Variants in FGF23 observed in about 807,000 individuals in gnomAD.
FGF23 encodes phosphatonin.
Under a neutral mutation model 9.0 loss-of-function variants are expected in FGF23, and 8 were observed. That is an observed-to-expected ratio of 0.89 (90% CI 0.52 to 1.60). The LOEUF is 1.60. FGF23 is among the 40% of genes most tolerant of loss of function. The pLI, the probability that FGF23 is intolerant of heterozygous loss-of-function variation, is 0.00. For missense variants in FGF23, 311 were observed against 344.3 expected (o/e 0.90, Z 0.77); for synonymous variants, 118 against 146.2 (o/e 0.81, Z 1.39).
rs547526845 is a variant in FGF23, at chr12:4,370,067, C to T, written c.*276G>A. On this transcript the variant is annotated 3_prime_UTR_variant, in exon 3 of 3. Transcript: ENST00000237837. ...AAATATGTTGGGAGAGACCCCTTCTCTCTACCTTCATGAAGGGGAAATTTC... is the reference window on the plus strand; with the variant it reads ...AAATATGTTGGGAGAGACCCCTTCTTTCTACCTTCATGAAGGGGAAATTTC... 4.9e-6 allele frequency: 2 copies of T among 410,998 alleles called. No individual in the cohort carries two copies. The highest frequency in any genetic ancestry group is 4.2e-5 in the African/African-American group (2 of 47,400). The allele number at this position is 410,998 out of a possible 1,614,324, so 25.5% of individuals were successfully genotyped here.
At chr12:4,377,452 A>T (rs11063120) in intron 1 of FGF23, among the ~76,000 whole-genome samples, 9 of 104,616 alleles carry the variant, frequency 8.6e-5, no homozygotes, top group Admixed American at 1.2e-4. Flanking sequence ...TTTTTTTGAG[A>T]TGGAGTCTCG....
rs1591673877 is a variant in FGF23, at chr12:4,374,854, A to G, written c.212-2157T>C. 3.3e-5 allele frequency among the ~76,000 whole-genome samples: 5 copies of G among 152,294 alleles called. 1 individual carries two copies. The highest frequency in any genetic ancestry group is 3.3e-4 in the Admixed American group (5 of 15,290). On this transcript the variant is annotated intron_variant, in intron 1 of 2. Transcript: ENST00000237837. ...CAGCAATATCCTAATTTAAGTGATA[A>G]GGAAACTAAGACAGGATTGAAACTC... is the stretch of plus-strand genomic sequence containing the variant.
intron 1 of FGF23, among the ~76,000 whole-genome samples, chr12:4,375,003 G>A (rs911074179): frequency 6.6e-6 from 1 of 152,168 alleles, no homozygotes; most frequent in Non-Finnish European, 1.5e-5. Context: ...AGTCACAGCA[G>A]CACTAAGGGC....
chr12:4,377,532 G>A (rs1054661675), intron 1 of FGF23, among the ~76,000 whole-genome samples: 47 of 127,058 alleles, frequency 3.7e-4, no homozygotes, highest in Middle Eastern at 5.0e-3. Flanking sequence ...CCGGGTTCAC[G>A]CCATTCTCCT....
chr12:4,377,671 C>T (rs965828833), intron 1 of FGF23, among the ~76,000 whole-genome samples: 6 of 149,376 alleles, frequency 4.0e-5, no homozygotes, highest in African/African-American at 1.5e-4. Context: ...ACCTCGTGAT[C>T]TGCCTGCCTC....
In FGF23 at chr12:4,369,799, T is replaced by C. The variant is rs1865039402; in HGVS notation, c.*544A>G. The C allele has an allele frequency of 8.7e-6, 2 of 230,114 alleles. No homozygotes were observed. The highest frequency in any genetic ancestry group is 1.7e-5 in the Non-Finnish European group (2 of 116,168). 14.3% of individuals were successfully genotyped at this position (230,114 alleles called of 1,614,324 possible). On this transcript the variant is annotated 3_prime_UTR_variant, in exon 3 of 3. Coordinates refer to ENST00000237837, the MANE Select transcript of FGF23 (RefSeq NM_020638.3). The stretch of plus-strand genomic sequence containing the variant: ...TCAAGGAAGAACGAAGGCTTGAAAG[T>C]AGTGTTTTCATCAACTTGCCCCATT...
chr12:4,372,530 T>C (rs967109869), intron 2 of FGF23, 64 bp downstream of exon 2: 8 of 1,006,518 alleles, frequency 7.9e-6, no homozygotes, highest in Middle Eastern at 4.1e-4. Flanking sequence ...GAAAAGTCTA[T>C]GTCGTGTCAA....
chr12:4,374,935 G>A (rs1490012422), intron 1 of FGF23, among the ~76,000 whole-genome samples: 4 of 152,096 alleles, frequency 2.6e-5, no homozygotes, highest in African/African-American at 9.7e-5. Context: ...AAATCACTAA[G>A]AGTCTGAGAA....
chr12:4,370,371 C>T lies in FGF23; in HGVS notation c.728G>A (p.Gly243Asp), dbSNP rs1381020048. Residue 243 changes from glycine to aspartate, a missense_variant, in exon 3 of 3, where the codon GGC becomes GAC. Physicochemically the swap from Gly to Asp is moderately conservative, Grantham distance 94 (BLOSUM62 -1). This residue lies in a region of FGF23 where 206 missense variants were observed against 219.2 expected (regional missense o/e 0.94). Coordinates refer to ENST00000237837, the MANE Select transcript of FGF23 (RefSeq NM_020638.3). ...GATGAACTTGGCGAAGGGGCGGCAG[C>T]CTTCCGGGCCCGTTCCCCCAGCGTG... ...NTHAGGTGPE[G>D]CRPFAKFI is the part of the protein sequence containing the mutation. 2 of 1,613,662 alleles carry T rather than the reference C, an allele frequency of 1.2e-6. No individual in the cohort carries two copies. The highest frequency in any genetic ancestry group is 1.7e-6 in the Non-Finnish European group (2 of 1,180,012).
At chr12:4,375,241 T>C (rs1239588123) in intron 1 of FGF23, among the ~76,000 whole-genome samples, 4 of 152,200 alleles carry the variant, frequency 2.6e-5, no homozygotes, top group African/African-American at 9.7e-5. Context: ...TCTGACCTGC[T>C]GTTTATGCCG....
At position 4,369,126 on chromosome 12, in the gene FGF23, C is replaced by T; in HGVS notation, c.*1217G>A. ...CAAGGGGATTGAGACCCAGATGTGT[C>T]AGCCTAGGAGAGTTTTAACTAATCG... On this transcript the variant is annotated 3_prime_UTR_variant, in exon 3 of 3. Coordinates refer to ENST00000237837, the MANE Select transcript of FGF23 (RefSeq NM_020638.3). 1 of 230,570 alleles carries T rather than the reference C, an allele frequency of 4.3e-6. No individual in the cohort carries two copies. 14.3% of individuals were successfully genotyped at this position (230,570 alleles called of 1,614,324 possible).
intron 1 of FGF23, among the ~76,000 whole-genome samples, chr12:4,374,951 T>C (rs1273470487): frequency 6.6e-6 from 1 of 151,992 alleles, no homozygotes; most frequent in Non-Finnish European, 1.5e-5. Flanking sequence ...GAGAAGACAA[T>C]ATCAAATGCT....
chr12:4,378,272 T>A (rs76163794), intron 1 of FGF23, among the ~76,000 whole-genome samples: 3,446 of 152,282 alleles, frequency 0.023, 94 homozygotes, highest in African/African-American at 0.061. Context: ...ATAATTAATT[T>A]ATTTATTACA....
intron 1 of FGF23, among the ~76,000 whole-genome samples, chr12:4,374,673 T>C (rs1198714704): frequency 6.6e-6 from 1 of 151,826 alleles, no homozygotes; most frequent in African/African-American, 2.4e-5. Context: ...AAGAAATGGT[T>C]TCTGTTCTGG....
In FGF23 at chr12:4,370,067, C is replaced by G. The variant is rs547526845; in HGVS notation, c.*276G>C. 8 of 410,998 alleles carry G rather than the reference C, an allele frequency of 1.9e-5. No homozygotes were observed. Among genetic ancestry groups the G allele is most frequent in the Admixed American group, 3.9e-5 (1 of 25,512 alleles). 25.5% of individuals were successfully genotyped at this position (410,998 alleles called of 1,614,324 possible). On this transcript the variant is annotated 3_prime_UTR_variant, in exon 3 of 3. Coordinates refer to ENST00000237837, the MANE Select transcript of FGF23 (RefSeq NM_020638.3). ...AAATATGTTGGGAGAGACCCCTTCT[C>G]TCTACCTTCATGAAGGGGAAATTTC... is the stretch of plus-strand genomic sequence containing the variant.
Position 4,368,236 on chromosome 12 carries a change from C to A in FGF23, c.*2107G>T. On this transcript the variant is annotated 3_prime_UTR_variant, in exon 3 of 3. Coordinates refer to ENST00000237837, the MANE Select transcript of FGF23 (RefSeq NM_020638.3). ...CTTTAGGGTTAGAATGACCAGAAATCCAATATTGATAAAACTTAAATAATT... is the reference window on the plus strand; with the variant it reads ...CTTTAGGGTTAGAATGACCAGAAATACAATATTGATAAAACTTAAATAATT... 1 of 167,060 alleles carries A rather than the reference C, an allele frequency of 6.0e-6. No individual in the cohort carries two copies. Among genetic ancestry groups the A allele is most frequent in the East Asian group, 1.2e-4 (1 of 8,356 alleles). 10.3% of individuals were successfully genotyped at this position (167,060 alleles called of 1,614,324 possible).
intron 1 of FGF23, among the ~76,000 whole-genome samples, chr12:4,378,674 A>C (rs569164877): frequency 2.0e-5 from 3 of 152,314 alleles, no homozygotes; most frequent in South Asian, 4.1e-4. Flanking sequence ...TCACCAACTC[A>C]TACTGGGTAC....
rs370138303 is a variant in FGF23 at position 4,379,569 on chromosome 12, C to T, written c.14G>A (p.Arg5His). 2.0e-5 allele frequency: 32 copies of T among 1,604,206 alleles called. No homozygotes were observed. The highest frequency in any genetic ancestry group is 2.5e-5 in the Non-Finnish European group (29 of 1,177,314). The change falls in exon 1 of 3, where the codon CGC becomes CAC. Residue 5 changes from arginine to histidine, a missense_variant. Around this residue, in one of 3 missense-constraint regions of FGF23, gnomAD observed 102 missense variants for 108.2 expected, o/e 0.94. Transcript: ENST00000237837. ...CAAGGCACAGACCCAGAGCCTGAGG[C>T]GGGCCCCCAACATCGTGCCCTGCTC... MLGA[R>H]LRLWVCALCS... is the part of the protein sequence containing the mutation.
At chr12:4,377,298 A>G (rs189172634) in intron 1 of FGF23, among the ~76,000 whole-genome samples, 176 of 152,242 alleles carry the variant, frequency 1.2e-3, no homozygotes, top group African/African-American at 4.1e-3. Context: ...CCTTTCAGCA[A>G]CGGGATTCCA....
Sources: allele counts gnomAD v4.1 joint callset (sites outside exome capture counted in the v4.1 genomes callset), GRCh38; gene constraint gnomAD v4.1.1; regional missense constraint gnomAD v4.1.1; transcripts MANE v1.5; gene names NCBI Gene and HGNC (gene_info 2026-07-23, HGNC 2026-07-21).